Variants in DYM observed in about 807,000 individuals in gnomAD.
DYM encodes dyggve-Melchior-Clausen syndrome protein.
In DYM, 78 loss-of-function variants were observed where a neutral mutation model predicts 93.1. That is an observed-to-expected ratio of 0.84 (90% CI 0.70 to 1.01). The LOEUF (loss-of-function observed/expected upper bound fraction) is 1.01, where lower values mean the gene tolerates loss of function less well. Ranked by LOEUF, DYM falls within the 50% of genes least tolerant of loss-of-function variation. The pLI is 0.00. For synonymous variants in DYM, 321 were observed against 319.7 expected (o/e 1.00, Z -0.04); for missense variants, 789 against 845.0 (o/e 0.93, Z 0.82).
intron 14 of DYM, among the ~76,000 whole-genome samples, chr18:49,187,694 G>A (rs1454678934): frequency 1.3e-5 from 2 of 151,958 alleles, no homozygotes. Context: ...AATATTAATA[G>A]GCCAGAAAAT....
chr18:49,068,202 A>T (rs1284350717), intron 17 of DYM, among the ~76,000 whole-genome samples: 1 of 152,182 alleles, frequency 6.6e-6, no homozygotes, highest in Non-Finnish European at 1.5e-5. Flanking sequence ...GTACAAAGGG[A>T]CATGACCAGG....
chr18:49,440,505 ATATAT>A (rs1180459765), intron 1 of DYM, among the ~76,000 whole-genome samples: 1 of 64,548 alleles, frequency 1.5e-5, no homozygotes, highest in Non-Finnish European at 2.6e-5. Flanking sequence ...ATATATGACT[ATATAT>A]TATATATTTA....
intron 2 of DYM, among the ~76,000 whole-genome samples, chr18:49,399,664 C>T (rs1415824829): frequency 6.6e-6 from 1 of 152,128 alleles, no homozygotes; most frequent in Admixed American, 6.6e-5. Flanking sequence ...AATCATAAAA[C>T]TGAGCACGCA....
chr18:49,363,017 G>A (rs1599684684), intron 6 of DYM, 144 bp downstream of exon 6: 2 of 685,506 alleles, frequency 2.9e-6, no homozygotes, highest in Admixed American at 2.6e-5. Context: ...ATTAGGTAGA[G>A]AGAAAAGAAC....
chr18:49,292,401 CAG>C (rs1323871748), intron 8 of DYM, among the ~76,000 whole-genome samples: 1 of 145,468 alleles, frequency 6.9e-6, no homozygotes, highest in Non-Finnish European at 1.5e-5. Flanking sequence ...CACACACACA[CAG>C]AGCCCTCCTT....
chr18:49,112,765 C>A (rs905856421), intron 16 of DYM, among the ~76,000 whole-genome samples: 3 of 152,132 alleles, frequency 2.0e-5, no homozygotes, highest in African/African-American at 7.2e-5. Flanking sequence ...TACCCTGTAA[C>A]CATCTGCCCC....
At chr18:49,254,605 GAC>G (rs2094355479) in intron 13 of DYM, among the ~76,000 whole-genome samples, 2 of 151,960 alleles carry the variant, frequency 1.3e-5, no homozygotes, top group Admixed American at 6.5e-5. Context: ...TTAAAACTTG[GAC>G]ACAGTGTTTT....
intron 8 of DYM, among the ~76,000 whole-genome samples, chr18:49,307,979 G>A (rs1209201549): frequency 1.3e-5 from 2 of 152,114 alleles, no homozygotes; most frequent in Non-Finnish European, 2.9e-5. Flanking sequence ...GTAGACTCCA[G>A]CTTTTCAAAA....
At chr18:49,267,029 T>C (rs1032497806) in intron 11 of DYM, among the ~76,000 whole-genome samples, 7 of 151,838 alleles carry the variant, frequency 4.6e-5, no homozygotes, top group African/African-American at 1.7e-4. Context: ...ATAATTAAAA[T>C]AGAAAACAAA....
intron 13 of DYM, among the ~76,000 whole-genome samples, chr18:49,211,247 T>C (rs952258008): frequency 1.3e-5 from 2 of 152,100 alleles, no homozygotes; most frequent in Non-Finnish European, 2.9e-5. Flanking sequence ...GCTCCAAGAT[T>C]TTAAAGTGAT....
intron 13 of DYM, among the ~76,000 whole-genome samples, chr18:49,254,261 T>C (rs2094345202): frequency 6.7e-6 from 1 of 148,702 alleles, no homozygotes; most frequent in African/African-American, 2.5e-5. Context: ...AACATTCTGC[T>C]GTATAAAAGA....
rs1267163035 is a variant in DYM at position 49,037,965 on chromosome 18, T to C, written c.*6090A>G. Among the ~76,000 whole-genome samples the C allele has an allele frequency of 6.6e-6, 1 of 152,136 alleles. No homozygotes were observed. On this transcript the variant is annotated 3_prime_UTR_variant, in exon 18 of 18. Coordinates refer to ENST00000675505, the MANE Select transcript of DYM (RefSeq NM_001353214.3). Reference sequence around the variant, plus strand: ...TCAGCTTCCCAAGTAGCTGGGGCTATAGGCACATGCCACCATGCCCAGTTA... The same window carrying C: ...TCAGCTTCCCAAGTAGCTGGGGCTACAGGCACATGCCACCATGCCCAGTTA...
chr18:49,335,580 T>C (rs2063597438), intron 6 of DYM, among the ~76,000 whole-genome samples: 2 of 152,216 alleles, frequency 1.3e-5, no homozygotes, highest in Admixed American at 1.3e-4. Context: ...CTAATGATGA[T>C]TTGATTTGGG....
At chr18:49,278,315 T>C (rs2094894384) in intron 10 of DYM, among the ~76,000 whole-genome samples, 3 of 152,184 alleles carry the variant, frequency 2.0e-5, no homozygotes, top group Admixed American at 2.0e-4. Context: ...ATCTGCGATA[T>C]TGTGCAGGCT....
At chr18:49,108,660 T>A (rs1369413033) in intron 16 of DYM, among the ~76,000 whole-genome samples, 1 of 152,232 alleles carries the variant, frequency 6.6e-6, no homozygotes, top group South Asian at 2.1e-4. Flanking sequence ...CCATACATGG[T>A]CTCTCTTAGA....
chr18:49,072,944 C>G (rs1712648969), intron 17 of DYM, among the ~76,000 whole-genome samples: 1 of 152,202 alleles, frequency 6.6e-6, no homozygotes, highest in African/African-American at 2.4e-5. Flanking sequence ...AAAATTATTT[C>G]AGAAGAGCAG....
chr18:49,056,723 A>AT (rs2075520242), intron 17 of DYM, among the ~76,000 whole-genome samples: 1 of 130,520 alleles, frequency 7.7e-6, no homozygotes, highest in African/African-American at 2.9e-5. Context: ...TTTTTTTTGT[A>AT]TTTTTAGTAG....
At chr18:49,235,065 C>G (rs1364648367) in intron 13 of DYM, among the ~76,000 whole-genome samples, 2 of 152,196 alleles carry the variant, frequency 1.3e-5, no homozygotes, top group African/African-American at 4.8e-5. Context: ...ACCCAGCAGG[C>G]CTACAACTTG....
At chr18:49,361,624 G>A (rs1393554614) in intron 6 of DYM, among the ~76,000 whole-genome samples, 1 of 152,222 alleles carries the variant, frequency 6.6e-6, no homozygotes, top group African/African-American at 2.4e-5. Context: ...GATATTCAGT[G>A]TGTCTGGGGA....
Sources: gnomAD v4.1 joint callset for allele counts (sites outside exome capture counted in the v4.1 genomes callset) on GRCh38, gnomAD v4.1.1 for gene constraint, MANE v1.5 for transcripts, NCBI Gene and HGNC (gene_info 2026-07-23, HGNC 2026-07-21) for gene names.